SEMA3D: variants seen among roughly 807,000 people sequenced by gnomAD.
SEMA3D encodes the protein semaphorin-3D.
In SEMA3D, 84 loss-of-function variants were observed where a neutral mutation model predicts 100.1. That is an observed-to-expected ratio of 0.84 (90% CI 0.70 to 1.01). The LOEUF (loss-of-function observed/expected upper bound fraction) is 1.01. Ranked by LOEUF, SEMA3D falls within the 50% of genes least tolerant of loss-of-function variation. The pLI is 0.00. For synonymous variants in SEMA3D, 312 were observed against 320.7 expected (o/e 0.97, Z 0.29); for missense variants, 875 against 934.1 (o/e 0.94, Z 0.82).
chr7:85,159,955 T>C, intron 1 of SEMA3D: 1 of 984,860 alleles, frequency 1.0e-6, no homozygotes, highest in Non-Finnish European at 1.2e-6. Flanking sequence ...ACACAAGCCA[T>C]AAGTTCTACG....
the SEMA3D span, among the ~76,000 whole-genome samples, chr7:85,243,352 C>A: frequency 2.0e-5 from 3 of 152,046 alleles, no homozygotes; most frequent in Non-Finnish European, 2.9e-5. Flanking sequence ...GTAGGGCTCC[C>A]CATGAGTGGA....
the SEMA3D span, among the ~76,000 whole-genome samples, chr7:85,250,015 C>T: frequency 2.0e-5 from 3 of 152,048 alleles, no homozygotes; most frequent in African/African-American, 4.8e-5. Context: ...GTGCACGCAC[C>T]GTGCACGAGC....
intron 8 of SEMA3D, among the ~76,000 whole-genome samples, chr7:85,063,498 T>A (rs2116131067): frequency 6.6e-6 from 1 of 152,322 alleles, no homozygotes; most frequent in Non-Finnish European, 1.5e-5. Flanking sequence ...CTTCTTTAAT[T>A]GCAAAGTTTT....
chr7:85,098,489 CTT>C (rs1788642410), intron 3 of SEMA3D, among the ~76,000 whole-genome samples: 1 of 151,714 alleles, frequency 6.6e-6, no homozygotes, highest in African/African-American at 2.4e-5. Flanking sequence ...TCATAAATCT[CTT>C]AGCATTTTTT....
chr7:85,127,704 T>C (rs1315961785), intron 2 of SEMA3D, among the ~76,000 whole-genome samples: 1 of 152,164 alleles, frequency 6.6e-6, no homozygotes, highest in Admixed American at 6.6e-5. Flanking sequence ...AAATCTCAAA[T>C]CAATTTGCTC....
the SEMA3D span, among the ~76,000 whole-genome samples, chr7:85,235,257 G>A: frequency 4.6e-5 from 7 of 152,036 alleles, no homozygotes; most frequent in Non-Finnish European, 1.0e-4. Flanking sequence ...TTTTCTTATA[G>A]TGGTATGTTC....
At chr7:85,093,869 T>C (rs1788472342) in intron 4 of SEMA3D, among the ~76,000 whole-genome samples, 1 of 152,090 alleles carries the variant, frequency 6.6e-6, no homozygotes, top group East Asian at 1.9e-4. Flanking sequence ...GACAACACTA[T>C]CAGCTAGGAC....
chr7:85,061,191 A>C lies in SEMA3D; in HGVS notation c.718+4233T>G, dbSNP rs770861085. ...AATGAAAACTGCCTCAAAGATGAAA[A>C]AATTTCATCTTTGCCATTTTGTATC... On this transcript the variant is annotated intron_variant, in intron 8 of 18. Coordinates refer to ENST00000284136, the MANE Select transcript of SEMA3D (RefSeq NM_001384900.1). Among the ~76,000 whole-genome samples the C allele has an allele frequency of 1.7e-3, 260 of 152,278 alleles. 1 individual carries two copies. The highest frequency in any genetic ancestry group is 2.2e-3 in the Non-Finnish European group (149 of 68,030).
chr7:85,040,285 GC>G (rs1483770095), intron 11 of SEMA3D, among the ~76,000 whole-genome samples: 1 of 151,884 alleles, frequency 6.6e-6, no homozygotes, highest in Non-Finnish European at 1.5e-5. Flanking sequence ...GCCTGCATAT[GC>G]CTTTTATACA....
chr7:85,029,266 A>G (rs537077830), intron 12 of SEMA3D: 2 of 817,976 alleles, frequency 2.4e-6, no homozygotes, highest in South Asian at 2.7e-5. Context: ...GTCTACTCTC[A>G]CTGATGACAA....
chr7:85,002,994 T>C (rs1789695501), intron 18 of SEMA3D, among the ~76,000 whole-genome samples: 1 of 152,042 alleles, frequency 6.6e-6, no homozygotes, highest in African/African-American at 2.4e-5. Flanking sequence ...GCTTCAAAAA[T>C]ATCCCCTTTC....
chr7:85,003,435 T>A (rs548348931), intron 18 of SEMA3D, among the ~76,000 whole-genome samples: 74 of 151,988 alleles, frequency 4.9e-4, no homozygotes, highest in Admixed American at 1.2e-3. Context: ...TGTAAAAAAA[T>A]CATAAAATAA....
chr7:85,201,291 C>A, the SEMA3D span, among the ~76,000 whole-genome samples: 5,255 of 152,226 alleles, frequency 0.035, 540 homozygotes, highest in East Asian at 0.3. Flanking sequence ...AAACTACTAG[C>A]TTTGATCGCC....
the SEMA3D span, among the ~76,000 whole-genome samples, chr7:85,240,499 C>T: frequency 2.0e-5 from 3 of 151,986 alleles, no homozygotes; most frequent in Non-Finnish European, 4.4e-5. Context: ...GCGATGGTTA[C>T]CTCATACAAT....
At position 85,124,516 on chromosome 7, in the gene SEMA3D, CA is replaced by C. The variant is rs375119377; in HGVS notation, c.-40-2586del. ...TTTCTGAAGGGAATGGTTGATTATA[CA>C]CAATAAAGTACCATAAAATAAATTT... is the stretch of plus-strand genomic sequence containing the variant. On this transcript the variant is annotated intron_variant, in intron 2 of 18. Coordinates refer to ENST00000284136, the MANE Select transcript of SEMA3D (RefSeq NM_001384900.1). 7.9e-4 allele frequency among the ~76,000 whole-genome samples: 64 copies of C among 80,826 alleles called. No homozygotes were observed. In the South Asian group the frequency reaches 0.022, roughly 28 times the overall value. The allele number at this position is 80,826 out of a possible 152,430, so 53.0% of individuals were successfully genotyped here.
Position 85,047,061 on chromosome 7 carries a change from CAT to C in SEMA3D, c.862-4778_862-4777del, listed in dbSNP as rs112293025. On this transcript the variant is annotated intron_variant, in intron 9 of 18. Transcript: ENST00000284136. ...AAGTATATGTAAACAAGCCTGATCACATGTGTTCAATTTGGGTGGTAAGTACA... is the reference window on the plus strand; with the variant it reads ...AAGTATATGTAAACAAGCCTGATCACGTGTTCAATTTGGGTGGTAAGTACA... Among the ~76,000 whole-genome samples, 9 of 151,892 alleles carry C rather than the reference CAT, an allele frequency of 5.9e-5. 1 individual carries two copies. Among genetic ancestry groups the C allele is most frequent in the African/African-American group, 1.4e-4 (6 of 41,464 alleles).
At chr7:85,113,154 T>G (rs897798721) in intron 3 of SEMA3D, among the ~76,000 whole-genome samples, 3 of 152,180 alleles carry the variant, frequency 2.0e-5, no homozygotes, top group African/African-American at 7.2e-5. Flanking sequence ...ATTTTTACAA[T>G]TGCAGCGTAA....
intron 9 of SEMA3D, among the ~76,000 whole-genome samples, chr7:85,042,822 T>C (rs1790900364): frequency 3.3e-5 from 5 of 152,092 alleles, no homozygotes; most frequent in Admixed American, 2.0e-4. Context: ...TACAGGTGCA[T>C]ACCACTGAAC....
At chr7:85,165,840 G>A (rs1257491109) in intron 1 of SEMA3D, among the ~76,000 whole-genome samples, 1 of 151,958 alleles carries the variant, frequency 6.6e-6, no homozygotes, top group African/African-American at 2.4e-5. Context: ...AAGCAATCAC[G>A]CATCTCAAAC....
Sources: allele counts gnomAD v4.1 joint callset (sites outside exome capture counted in the v4.1 genomes callset), GRCh38; gene constraint gnomAD v4.1.1; transcripts MANE v1.5; gene names NCBI Gene and HGNC (gene_info 2026-07-23, HGNC 2026-07-21).